TNKS2: variants seen among roughly 807,000 people sequenced by gnomAD.
TNKS2 encodes the protein poly [ADP-ribose] polymerase tankyrase-2.
Under a neutral mutation model 137.6 loss-of-function variants are expected in TNKS2, and 72 were observed. The ratio of observed to expected loss-of-function variants is 0.52; its 90% CI spans 0.43 to 0.64. The LOEUF (loss-of-function observed/expected upper bound fraction) is 0.64, where lower values mean the gene tolerates loss of function less well. Among genes scored for constraint, TNKS2 ranks in the 30% least tolerant of loss-of-function variants. The probability of loss-of-function intolerance (pLI) is 0.00; values close to 1 mark genes in which losing one functional copy is unlikely to be tolerated. For missense variants in TNKS2, 1,049 were observed against 1,410.2 expected, an observed-to-expected ratio of 0.74 and a Z score of 4.10; for synonymous variants, 516 against 512.1, an observed-to-expected ratio of 1.01 and a Z score of -0.10.
intron 12 of TNKS2, among the ~76,000 whole-genome samples, chr10:91,835,353 A>G (rs1770475): frequency 0.7 from 103,933 of 148,930 alleles, 37,431 homozygotes; most frequent in East Asian, 0.91. Context: ...GCAATGGTGC[A>G]ATCTCAGCTC....
intron 16 of TNKS2, 85 bp downstream of exon 16, chr10:91,842,476 T>G (rs1842239151): frequency 1.5e-6 from 2 of 1,301,922 alleles, no homozygotes; most frequent in Non-Finnish European, 2.2e-6. Context: ...TAACTAAACT[T>G]TAAAAATTCA....
At chr10:91,814,359 C>T (rs1019145609) in intron 2 of TNKS2, among the ~76,000 whole-genome samples, 24 of 151,958 alleles carry the variant, frequency 1.6e-4, no homozygotes, top group African/African-American at 5.8e-4. Context: ...GCTGTTATTA[C>T]AAAAGTCAAA....
chr10:91,825,611 A>G (rs964185451), intron 7 of TNKS2, among the ~76,000 whole-genome samples: 1 of 152,226 alleles, frequency 6.6e-6, no homozygotes, highest in Non-Finnish European at 1.5e-5. Flanking sequence ...TAATTATAAA[A>G]AGCCATGTTA....
intron 1 of TNKS2, among the ~76,000 whole-genome samples, chr10:91,812,291 T>C (rs986034584): frequency 6.6e-6 from 1 of 152,130 alleles, no homozygotes; most frequent in African/African-American, 2.4e-5. Context: ...TTACCAGACT[T>C]TTTTTGTTTT....
At position 91,819,860 on chromosome 10, in the gene TNKS2, A is replaced by G. The variant is rs1844827548; in HGVS notation, c.634-79A>G. On this transcript the variant is annotated intron_variant, in intron 5 of 26. Coordinates refer to ENST00000371627, the MANE Select transcript of TNKS2 (RefSeq NM_025235.4). Reference sequence around the variant, plus strand: ...AGTTATAATTGGATTTTCTGGTTTTATATTTGGGTTTTTTCCCTCTCACAC... The same window carrying G: ...AGTTATAATTGGATTTTCTGGTTTTGTATTTGGGTTTTTTCCCTCTCACAC... 4.3e-6 allele frequency: 5 copies of G among 1,175,298 alleles called. No individual in the cohort carries two copies. The South Asian group carries it at 8.4e-5, about 20-fold the overall frequency. The allele number at this position is 1,175,298 out of a possible 1,614,324, so 72.8% of individuals were successfully genotyped here. A position where few individuals can be genotyped will look rare whatever the true frequency, so the allele number is the denominator to read the frequency against.
At chr10:91,799,741 A>G (rs998347549) in intron 1 of TNKS2, among the ~76,000 whole-genome samples, 2 of 152,242 alleles carry the variant, frequency 1.3e-5, no homozygotes, top group African/African-American at 4.8e-5. Context: ...TAAAGCATGC[A>G]TGCTGTTCAC....
intron 1 of TNKS2, 142 bp downstream of exon 1, chr10:91,799,031 G>C: frequency 8.2e-7 from 1 of 1,214,838 alleles, no homozygotes; most frequent in Non-Finnish European, 1.0e-6. Context: ...TTCCAGTGGG[G>C]ACTAAGGAGA....
intron 1 of TNKS2, 65 bp from the exon 2 acceptor site, chr10:91,812,918 G>A (rs1844554479): frequency 6.4e-7 from 1 of 1,572,288 alleles, no homozygotes. Flanking sequence ...AGTATGGATG[G>A]TACTTATCTA....
At chr10:91,857,802 A>C (rs930156655) in intron 24 of TNKS2, among the ~76,000 whole-genome samples, 2 of 152,134 alleles carry the variant, frequency 1.3e-5, no homozygotes, top group Non-Finnish European at 2.9e-5. Flanking sequence ...AATTTTGCTT[A>C]TGGTCACTCT....
At chr10:91,833,144 C>T (rs987071322) in intron 11 of TNKS2, among the ~76,000 whole-genome samples, 6 of 152,114 alleles carry the variant, frequency 3.9e-5, no homozygotes, top group Admixed American at 2.0e-4. Flanking sequence ...AACCAAAACT[C>T]CTGTAGAGAT....
At position 91,841,597 on chromosome 10, in the gene TNKS2, A is replaced by G; in HGVS notation, c.1839+149A>G. 3 of 514,118 alleles carry G rather than the reference A, an allele frequency of 5.8e-6. No homozygotes were observed. In the East Asian group the frequency reaches 1.1e-4, roughly 18 times the overall value. 31.8% of individuals were successfully genotyped at this position (514,118 alleles called of 1,614,324 possible). On this transcript the variant is annotated intron_variant, in intron 15 of 26. Transcript: ENST00000371627. ...CCTAGATTTTAGAATAAATATAATA[A>G]ACATTTTATATTTTAATCCACAAGT...
chr10:91,840,607 G>A lies in TNKS2; in HGVS notation c.1574G>A (p.Arg525His), dbSNP rs781612349. The A allele has an allele frequency of 9.3e-6, 15 of 1,613,952 alleles. No individual in the cohort carries two copies. In the Admixed American group the frequency reaches 1.0e-4, roughly 11 times the overall value. ...GTCAACTGCAGAGACATTGAAGGGC[G>A]TCAGTCTACACCACTTCATTTTGCA... ...QSVNCRDIEG[R>H]QSTPLHFAAG... The change falls in exon 14 of 27, where the codon CGT becomes CAT. Residue 525 changes from arginine (R) to histidine (H), a missense_variant. Transcript: ENST00000371627.
At chr10:91,799,893 G>A (rs532087187) in intron 1 of TNKS2, among the ~76,000 whole-genome samples, 4 of 152,178 alleles carry the variant, frequency 2.6e-5, no homozygotes, top group African/African-American at 9.6e-5. Context: ...TTGAAAAATC[G>A]GGGAATACCT....
chr10:91,825,405 A>T (rs1463857747), intron 7 of TNKS2, among the ~76,000 whole-genome samples: 1 of 152,150 alleles, frequency 6.6e-6, no homozygotes, highest in Non-Finnish European at 1.5e-5. Context: ...CTCTGGCCTC[A>T]ATTATTTTTT....
intron 18 of TNKS2, among the ~76,000 whole-genome samples, chr10:91,846,301 C>G (rs1012600586): frequency 6.6e-6 from 1 of 152,212 alleles, no homozygotes. Context: ...GTCTTACACA[C>G]GGCCCCAACT....
intron 19 of TNKS2, among the ~76,000 whole-genome samples, chr10:91,849,133 C>T (rs910417192): frequency 6.6e-6 from 1 of 152,036 alleles, no homozygotes; most frequent in Non-Finnish European, 1.5e-5. Context: ...CACCGCCCCC[C>T]GCCCTTAATC....
rs561544540 is a variant in TNKS2 at position 91,822,423 on chromosome 10, A to G, written c.795+61A>G. The G allele has an allele frequency of 3.0e-5, 40 of 1,317,756 alleles. No homozygotes were observed. In the East Asian group the frequency reaches 8.5e-4, roughly 28 times the overall value. 81.6% of individuals were successfully genotyped at this position (1,317,756 alleles called of 1,614,324 possible). Reference sequence around the variant, plus strand: ...AGTTATATAAAATAACTTGAAATACATTAGTATGTCTGGGTTTCTTTTTAT... The same window carrying G: ...AGTTATATAAAATAACTTGAAATACGTTAGTATGTCTGGGTTTCTTTTTAT... On this transcript the variant is annotated intron_variant, in intron 7 of 26. Coordinates refer to ENST00000371627, the MANE Select transcript of TNKS2 (RefSeq NM_025235.4).
chr10:91,862,871 C>T (rs540738353), intron 26 of TNKS2, 66 bp from the exon 27 acceptor site: 36 of 1,140,388 alleles, frequency 3.2e-5, no homozygotes, highest in African/African-American at 2.8e-4. Flanking sequence ...GGAATACTTC[C>T]GGAAAGTCTG....
At chr10:91,798,927 C>G (rs1844061049) in intron 1 of TNKS2, 38 bp downstream of exon 1, 4 of 1,331,616 alleles carry the variant, frequency 3.0e-6, no homozygotes, top group Non-Finnish European at 3.9e-6. Flanking sequence ...CGCTCCAGAC[C>G]CCACCTGCGC....
Sources: allele counts gnomAD v4.1 joint callset (sites outside exome capture counted in the v4.1 genomes callset), GRCh38; gene constraint gnomAD v4.1.1; transcripts MANE v1.5; gene names NCBI Gene and HGNC (gene_info 2026-07-23, HGNC 2026-07-21).